EMC3: variants seen among roughly 807,000 people sequenced by gnomAD.
EMC3 encodes 30 kDa protein.
In EMC3, 13 loss-of-function variants were observed where a neutral mutation model predicts 36.6. That is an observed-to-expected ratio of 0.35 (90% confidence interval 0.23 to 0.56). EMC3 has a LOEUF of 0.56. Ranked by LOEUF, EMC3 falls within the 20% of genes least tolerant of loss-of-function variation. EMC3 has a pLI of 0.84. For missense variants in EMC3, 220 were observed against 324.5 expected (o/e 0.68, Z 2.47); for synonymous variants, 120 against 111.9 (o/e 1.07, Z -0.46).
At chr3:10,001,868 G>A (rs1039445588) in intron 1 of EMC3, among the ~76,000 whole-genome samples, 4 of 152,006 alleles carry the variant, frequency 2.6e-5, no homozygotes, top group South Asian at 2.1e-4. Flanking sequence ...GCGTGGTGGC[G>A]GGTGCCTGTA....
intron 7 of EMC3, among the ~76,000 whole-genome samples, chr3:9,968,268 G>A (rs1161386553): frequency 6.6e-6 from 1 of 152,102 alleles, no homozygotes; most frequent in Admixed American, 6.5e-5. Flanking sequence ...TATTCGTTTT[G>A]ATACTATTAT....
At chr3:10,009,276 A>G (rs1327968642) in intron 1 of EMC3, 1 of 152,078 alleles carries the variant, frequency 6.6e-6, no homozygotes, top group Admixed American at 6.5e-5. Context: ...GTGCATATAT[A>G]TCTTCTATAT....
Position 9,964,160 on chromosome 3 carries a change from C to A in EMC3, c.695G>T (p.Trp232Leu). Residue 232 changes from tryptophan (W) to leucine (L), a missense_variant, in exon 8 of 8, where the codon TGG becomes TTG. Trp to Leu is a moderately conservative substitution (Grantham distance 61). This residue lies in a region of EMC3 where 56 missense variants were observed against 117.0 expected (regional missense o/e 0.48). Transcript: ENST00000245046. The stretch of plus-strand genomic sequence containing the variant: ...CTCTTCTTCGACATCATCTAGTGCC[C>A]ACTGGTGATCCGTCAGCTCCAAAGC... Reference protein sequence around the residue: ...WEALELTDHQWALDDVEEELM... With the variant: ...WEALELTDHQLALDDVEEELM... 1 of 1,614,158 alleles carries A rather than the reference C, an allele frequency of 6.2e-7. No individual in the cohort carries two copies. The highest frequency in any genetic ancestry group is 8.5e-7 in the Non-Finnish European group (1 of 1,180,036).
Position 9,998,435 on chromosome 3 carries a change from AT to A in EMC3, c.-241-11534del, listed in dbSNP as rs111397281. On this transcript the variant is annotated intron_variant, in intron 1 of 8. Transcript: ENST00000470827. ...TTGCTTTTAATGAATTAATAATTTA[AT>A]TTTTTTTTTTATGTATAGGATCTTG... is the stretch of plus-strand genomic sequence containing the variant. 7.5e-3 allele frequency among the ~76,000 whole-genome samples: 1,082 copies of A among 144,242 alleles called. 18 individuals carry two copies. Among genetic ancestry groups the A allele is most frequent in the African/African-American group, 0.024 (948 of 39,784 alleles). The allele number at this position is 144,242 out of a possible 152,430, so 94.6% of individuals were successfully genotyped here.
At chr3:9,992,357 C>G (rs1027511409) in intron 1 of EMC3, among the ~76,000 whole-genome samples, 1 of 152,056 alleles carries the variant, frequency 6.6e-6, no homozygotes, top group Non-Finnish European at 1.5e-5. Context: ...AACTCCTAAC[C>G]TCAGGTGATA....
chr3:9,993,799 GTTA>G (rs2086086177), intron 1 of EMC3, among the ~76,000 whole-genome samples: 1 of 130,560 alleles, frequency 7.7e-6, no homozygotes, highest in Non-Finnish European at 1.7e-5. Context: ...AGTCAGTTTA[GTTA>G]GCATTGAACC....
At chr3:9,987,088 C>T (rs977281495), upstream of EMC3, 13 of 840,594 alleles carry the variant, frequency 1.5e-5, no homozygotes, top group Non-Finnish European at 1.9e-5. Flanking sequence ...GGTGGAGGCG[C>T]CTGTAGTCGC....
At chr3:9,982,793 G>A (rs1280329506) in intron 1 of EMC3, among the ~76,000 whole-genome samples, 1 of 151,854 alleles carries the variant, frequency 6.6e-6, no homozygotes, top group Non-Finnish European at 1.5e-5. Context: ...AGGCTGAGGT[G>A]GGAGGATCCT....
Position 9,986,838 on chromosome 3 carries a change from AC to A in EMC3, c.-178del. 7.2e-7 allele frequency: 1 copy of A among 1,389,450 alleles called. No individual in the cohort carries two copies. The highest frequency in any genetic ancestry group is 9.4e-7 in the Non-Finnish European group (1 of 1,069,314). The allele number at this position is 1,389,450 out of a possible 1,614,324, so 86.1% of individuals were successfully genotyped here. ...CTTCAGCTGGGCTGCCTGGTCTTCCACTTCCGGCGCGAACGTTGACGTCACG... is the reference window on the plus strand; with the variant it reads ...CTTCAGCTGGGCTGCCTGGTCTTCCATTCCGGCGCGAACGTTGACGTCACG... On this transcript the variant is annotated 5_prime_UTR_variant, in exon 1 of 8. It adds an upstream start codon to the 5' untranslated region. Transcript: ENST00000245046.
chr3:9,980,849 T>C (rs1426862067), intron 1 of EMC3, among the ~76,000 whole-genome samples: 1 of 152,172 alleles, frequency 6.6e-6, no homozygotes, highest in African/African-American at 2.4e-5. Context: ...TGTCTTACAC[T>C]GTACCCCACA....
At chr3:9,997,457 GTTGTT>G (rs541563389) in intron 1 of EMC3, among the ~76,000 whole-genome samples, 3 of 151,988 alleles carry the variant, frequency 2.0e-5, no homozygotes, top group East Asian at 1.9e-4. Flanking sequence ...CTTTGTTTTT[GTTGTT>G]TTGTTTTGTT....
intron 1 of EMC3, chr3:10,002,935 C>G (rs1219804977): frequency 2.2e-6 from 1 of 452,094 alleles, no homozygotes; most frequent in Admixed American, 2.4e-5. Context: ...TGGTGGAGTC[C>G]CAGAAATGTC....
At chr3:9,971,725 T>C (rs146438282) in intron 5 of EMC3, among the ~76,000 whole-genome samples, 39 of 152,356 alleles carry the variant, frequency 2.6e-4, no homozygotes, top group African/African-American at 8.7e-4. Context: ...TCATATAATG[T>C]ACAGCTTTTC....
At position 9,970,666 on chromosome 3, in the gene EMC3, C is replaced by T. The variant is rs746898087; in HGVS notation, c.495-5G>A. 1 of 1,613,966 alleles carries T rather than the reference C, an allele frequency of 6.2e-7. No individual in the cohort carries two copies. The highest frequency in any genetic ancestry group is 8.5e-7 in the Non-Finnish European group (1 of 1,179,906). ...TACCAGGATGCAGAACTCACCCTGGCAAAGCAAAATGAAAATGGTGTGGTT... is the reference window on the plus strand; with the variant it reads ...TACCAGGATGCAGAACTCACCCTGGTAAAGCAAAATGAAAATGGTGTGGTT... On this transcript the variant is annotated splice_polypyrimidine_tract_variant and splice_region_variant and intron_variant, in intron 5 of 7. Transcript: ENST00000245046.
chr3:9,994,297 A>C, intron 1 of EMC3: 1 of 1,085,494 alleles, frequency 9.2e-7, no homozygotes. Flanking sequence ...TAATGTGTTT[A>C]TGTTTTTTGA....
At chr3:9,985,136 T>C (rs1305119390) in intron 1 of EMC3, among the ~76,000 whole-genome samples, 3 of 152,252 alleles carry the variant, frequency 2.0e-5, no homozygotes, top group South Asian at 2.1e-4. Context: ...TATCATTACA[T>C]ATTTAATACT....
chr3:9,987,207 C>T (rs1330906499), upstream of EMC3: 1 of 876,936 alleles, frequency 1.1e-6, no homozygotes, highest in East Asian at 1.2e-4. Context: ...GAGGAAGACT[C>T]CGTCTCAAAA....
chr3:9,974,450 T>C lies in EMC3; in HGVS notation c.346A>G (p.Thr116Ala). 1 of 1,613,626 alleles carries C rather than the reference T, an allele frequency of 6.2e-7. No individual in the cohort carries two copies. Among genetic ancestry groups the C allele is most frequent in the South Asian group, 1.1e-5 (1 of 91,074 alleles). ...ATAAGAATCATAGGGAGGACATTTG[T>C]TACATTCCCTTTCATCATGTCTGTC... ...MLTDMMKGNV[T>A]NVLPMILIGG... Residue 116 changes from threonine (T) to alanine (A), a missense_variant, in exon 4 of 8, where the codon ACA (threonine) becomes GCA (alanine). Thr to Ala is a moderately conservative substitution (Grantham distance 58). Coordinates refer to ENST00000245046, the MANE Select transcript of EMC3 (RefSeq NM_001394674.1).
intron 1 of EMC3, among the ~76,000 whole-genome samples, chr3:9,998,510 G>A (rs1212867074): frequency 6.6e-6 from 1 of 151,350 alleles, no homozygotes; most frequent in African/African-American, 2.4e-5. Context: ...GTTCACTGCA[G>A]CCTGAAACTC....
Sources: allele counts gnomAD v4.1 joint callset (sites outside exome capture counted in the v4.1 genomes callset), GRCh38; gene constraint gnomAD v4.1.1; regional missense constraint gnomAD v4.1.1; transcripts MANE v1.5; gene names NCBI Gene and HGNC (gene_info 2026-07-23, HGNC 2026-07-21).